ATP13A4: variants seen among roughly 807,000 people sequenced by gnomAD.
The protein encoded by ATP13A4 is probable cation-transporting ATPase 13A4.
Under a neutral mutation model 142.5 loss-of-function variants are expected in ATP13A4, and 114 were observed. The ratio of observed to expected loss-of-function variants is 0.80; its 90% CI spans 0.69 to 0.93. ATP13A4 has a LOEUF of 0.93. ATP13A4 is among the 40% of genes least tolerant of loss of function. The pLI is 0.00. For missense variants in ATP13A4, 1,392 were observed against 1,454.0 expected, an observed-to-expected ratio of 0.96 and a Z score of 0.69; for synonymous variants, 488 against 514.8, an observed-to-expected ratio of 0.95 and a Z score of 0.70.
intron 1 of ATP13A4, among the ~76,000 whole-genome samples, chr3:193,517,038 T>G (rs1721455052): frequency 6.6e-6 from 1 of 152,202 alleles, no homozygotes; most frequent in Admixed American, 6.5e-5. Flanking sequence ...TCCCATTTAG[T>G]TGAAAAAGAT....
intron 25 of ATP13A4, among the ~76,000 whole-genome samples, chr3:193,425,702 T>C (rs887415876): frequency 2.0e-5 from 3 of 151,610 alleles, no homozygotes; most frequent in Non-Finnish European, 3.0e-5. Flanking sequence ...TTCTTAAAGC[T>C]GGAAAGAATA....
At position 193,409,538 on chromosome 3, in the gene ATP13A4, A is replaced by G. The variant is rs992274858; in HGVS notation, c.3297+1444T>C. On this transcript the variant is annotated intron_variant, in intron 28 of 29. Transcript: ENST00000342695. ...ATTAAAAAGTGACATTCAACTCACC[A>G]CATCTCATCCTTAACTTCTGTAGGA... 5.9e-5 allele frequency among the ~76,000 whole-genome samples: 9 copies of G among 152,206 alleles called. 1 individual carries two copies. Among genetic ancestry groups the G allele is most frequent in the African/African-American group, 2.2e-4 (9 of 41,464 alleles).
At chr3:193,578,349 A>G (rs1724456204) in intron 2 of ATP13A4, among the ~76,000 whole-genome samples, 1 of 142,386 alleles carries the variant, frequency 7.0e-6, no homozygotes, top group Non-Finnish European at 1.6e-5. Context: ...ATATCTATCT[A>G]TCTATCTATT....
intron 1 of ATP13A4, among the ~76,000 whole-genome samples, chr3:193,526,967 A>G (rs1347607822): frequency 2.0e-5 from 3 of 152,140 alleles, no homozygotes; most frequent in Admixed American, 6.5e-5. Flanking sequence ...CATACTCTCA[A>G]ATGATTGAGA....
rs573711603 is a variant in ATP13A4, at chr3:193,509,905, G to T, written c.234+4793C>A. ...AAGGACAAGGATTTCCATCTGTTTT[G>T]CTCATAGTTATATTCCCAGTGCCTA... is the stretch of plus-strand genomic sequence containing the variant. On this transcript the variant is annotated intron_variant, in intron 2 of 29. Transcript: ENST00000342695. 1.3e-3 allele frequency among the ~76,000 whole-genome samples: 201 copies of T among 152,294 alleles called. 1 individual carries two copies. Among genetic ancestry groups the T allele is most frequent in the Admixed American group, 2.1e-3 (32 of 15,300 alleles).
upstream of ATP13A4, among the ~76,000 whole-genome samples, chr3:193,559,029 C>T (rs894188581): frequency 7.2e-5 from 11 of 152,208 alleles, no homozygotes; most frequent in African/African-American, 2.7e-4. Flanking sequence ...GAAATAATGG[C>T]AGGACCGGTT....
chr3:193,438,470 C>A lies in ATP13A4; in HGVS notation c.2672+5G>T. The A allele has an allele frequency of 6.2e-7, 1 of 1,600,480 alleles. No homozygotes were observed. The highest frequency in any genetic ancestry group is 8.6e-7 in the Non-Finnish European group (1 of 1,167,622). Reference sequence around the variant, plus strand: ...AAAACAATGTTTGAGGAAGTGCCTACTTACTTGATAAGGTGAGGTACGCAC... The same window carrying A: ...AAAACAATGTTTGAGGAAGTGCCTAATTACTTGATAAGGTGAGGTACGCAC... On this transcript the variant is annotated splice_donor_5th_base_variant and intron_variant, in intron 23 of 29. Coordinates refer to ENST00000342695, the MANE Select transcript of ATP13A4 (RefSeq NM_032279.4).
At chr3:193,511,498 A>G (rs1721138926) in intron 2 of ATP13A4, among the ~76,000 whole-genome samples, 1 of 152,228 alleles carries the variant, frequency 6.6e-6, no homozygotes, top group Non-Finnish European at 1.5e-5. Context: ...CACGTCATCC[A>G]GATAAGCAAG....
At chr3:193,570,441 A>T (rs1724235248) in intron 2 of ATP13A4, among the ~76,000 whole-genome samples, 1 of 152,250 alleles carries the variant, frequency 6.6e-6, no homozygotes, top group Non-Finnish European at 1.5e-5. Flanking sequence ...TTAATTATTT[A>T]TCATTAGAAC....
intron 25 of ATP13A4, among the ~76,000 whole-genome samples, chr3:193,416,348 C>T (rs1006254916): frequency 6.6e-6 from 1 of 152,112 alleles, no homozygotes; most frequent in South Asian, 2.1e-4. Flanking sequence ...CCTGAGGAAG[C>T]ACAGATATTA....
chr3:193,454,429 T>TA (rs950111145), intron 16 of ATP13A4, among the ~76,000 whole-genome samples: 3 of 151,964 alleles, frequency 2.0e-5, no homozygotes, highest in African/African-American at 7.2e-5. Context: ...TTGAAAAACT[T>TA]AAAAAAAAGA....
chr3:193,461,091 C>A (rs1717920570), intron 13 of ATP13A4, among the ~76,000 whole-genome samples: 1 of 151,776 alleles, frequency 6.6e-6, no homozygotes. Flanking sequence ...AGGAAGGCAG[C>A]AAGGCAGGAA....
At chr3:193,559,835 A>G (rs541521960), upstream of ATP13A4, among the ~76,000 whole-genome samples, 2 of 152,312 alleles carry the variant, frequency 1.3e-5, no homozygotes, top group African/African-American at 2.4e-5. Flanking sequence ...CTCTGGAGGT[A>G]AGGCAGCTCC....
chr3:193,497,463 TAGTG>T (rs1158414506), intron 3 of ATP13A4, among the ~76,000 whole-genome samples: 2 of 152,208 alleles, frequency 1.3e-5, no homozygotes, highest in Admixed American at 6.5e-5. Context: ...TGTACACTGT[TAGTG>T]AGACTATAAA....
chr3:193,514,836 T>C lies in ATP13A4; in HGVS notation c.96A>G (p.Lys32=), dbSNP rs1721323480. Residue 32 remains lysine (K), a synonymous_variant, in exon 2 of 30, where the codon AAA becomes AAG. Transcript: ENST00000342695. ...AGATGGATCCGGCAAGGCAGAGACTTTTCCGGCAGCCTTGAGTCCGATAGC... is the reference window on the plus strand; with the variant it reads ...AGATGGATCCGGCAAGGCAGAGACTCTTCCGGCAGCCTTGAGTCCGATAGC... The part of the protein sequence containing the change: ...IFGYRTQGCR[K]SLCLAGSIFS... 3 of 1,614,066 alleles carry C rather than the reference T, an allele frequency of 1.9e-6. No individual in the cohort carries two copies. The East Asian group carries it at 6.7e-5, about 36-fold the overall frequency.
At chr3:193,555,278 C>T (rs76205181), upstream of ATP13A4, among the ~76,000 whole-genome samples, 9,641 of 152,294 alleles carry the variant, frequency 0.063, 381 homozygotes, top group Non-Finnish European at 0.088. Context: ...CGGAAGCGCA[C>T]AGAGCTGCAG....
At chr3:193,452,499 A>C (rs1036956526) in intron 17 of ATP13A4, among the ~76,000 whole-genome samples, 8 of 151,840 alleles carry the variant, frequency 5.3e-5, no homozygotes, top group African/African-American at 1.9e-4. Flanking sequence ...CCCATCACAA[A>C]GTGAGAGAGT....
At chr3:193,446,181 A>G (rs1716944614) in intron 18 of ATP13A4, among the ~76,000 whole-genome samples, 2 of 152,188 alleles carry the variant, frequency 1.3e-5, no homozygotes, top group South Asian at 2.1e-4. Flanking sequence ...AAGTAAATAA[A>G]CAAACAAATA....
intron 1 of ATP13A4, among the ~76,000 whole-genome samples, chr3:193,543,835 G>A (rs74852252): frequency 0.026 from 3,981 of 152,304 alleles, 54 homozygotes; most frequent in East Asian, 0.032. Context: ...TCTCATGAAA[G>A]TGATGTTGGC....
Sources: gnomAD v4.1 joint callset for allele counts (sites outside exome capture counted in the v4.1 genomes callset) on GRCh38, gnomAD v4.1.1 for gene constraint, MANE v1.5 for transcripts, NCBI Gene and HGNC (gene_info 2026-07-23, HGNC 2026-07-21) for gene names.